Variants in LRRC7 observed in about 807,000 individuals in gnomAD.
The protein encoded by LRRC7 is leucine rich repeat containing 7.
Under a neutral mutation model 175.7 loss-of-function variants are expected in LRRC7, and 23 were observed. The ratio of observed to expected loss-of-function variants is 0.13; its 90% CI spans 0.09 to 0.19. LRRC7 has a LOEUF of 0.19. LRRC7 is among the 10% of genes least tolerant of loss of function. LRRC7 has a pLI of 1.00. For missense variants in LRRC7, 1,354 were observed against 1,904.7 expected, an observed-to-expected ratio of 0.71 and a Z score of 5.38; for synonymous variants, 685 against 680.9, an observed-to-expected ratio of 1.01 and a Z score of -0.09.
intron 2 of LRRC7, among the ~76,000 whole-genome samples, chr1:69,694,690 C>A (rs78518049): frequency 0.23 from 34,857 of 151,782 alleles, 4,561 homozygotes; most frequent in South Asian, 0.32. Context: ...TGAGTTCTTG[C>A]TCTGAGTTCA....
intron 1 of LRRC7, among the ~76,000 whole-genome samples, chr1:69,638,317 G>T (rs1653705186): frequency 6.6e-6 from 1 of 151,602 alleles, no homozygotes; most frequent in African/African-American, 2.4e-5. Context: ...TTATTGTCTG[G>T]GAATAATTAA....
At chr1:69,594,945 A>G (rs1646779798) in intron 1 of LRRC7, among the ~76,000 whole-genome samples, 1 of 152,190 alleles carries the variant, frequency 6.6e-6, no homozygotes, top group African/African-American at 2.4e-5. Context: ...GTTTTTCATC[A>G]GTCCCTTTTA....
intron 15 of LRRC7, among the ~76,000 whole-genome samples, chr1:70,019,777 T>C (rs1158845760): frequency 6.6e-6 from 1 of 151,998 alleles, no homozygotes; most frequent in Admixed American, 6.6e-5. Flanking sequence ...AAAATTAACC[T>C]TTTGAATTGA....
At chr1:70,094,388 A>C (rs994248815) in intron 25 of LRRC7, among the ~76,000 whole-genome samples, 1 of 152,166 alleles carries the variant, frequency 6.6e-6, no homozygotes, top group Admixed American at 6.5e-5. Flanking sequence ...AAACAAATTC[A>C]TGGTTTTTTT....
rs528352320 is a variant in LRRC7, at chr1:69,996,539, G to A, written c.1004+1906G>A. ...GGGTTTTTATGGTTTTAGGTCTAAC[G>A]TTTAAGTCTTTAATCCATCTTGAAT... On this transcript the variant is annotated intron_variant, in intron 11 of 26. Coordinates refer to ENST00000651989, the MANE Select transcript of LRRC7 (RefSeq NM_001370785.2). Among the ~76,000 whole-genome samples the A allele has an allele frequency of 3.1e-3, 473 of 150,928 alleles. 1 individual carries two copies. The highest frequency in any genetic ancestry group is 6.3e-3 in the South Asian group (30 of 4,756).
chr1:69,698,090 T>A, intron 2 of LRRC7, among the ~76,000 whole-genome samples: 1 of 152,328 alleles, frequency 6.6e-6, no homozygotes, highest in Admixed American at 6.5e-5. Context: ...GTGCCTCCTC[T>A]TGAAGCCTGA....
chr1:69,776,562 G>A (rs1672833095), intron 3 of LRRC7, among the ~76,000 whole-genome samples: 1 of 152,274 alleles, frequency 6.6e-6, no homozygotes, highest in South Asian at 2.1e-4. Context: ...TAACGAACCT[G>A]AAACAGCACT....
chr1:69,873,866 TTGTTA>T (rs1685795558), intron 7 of LRRC7: 4 of 154,092 alleles, frequency 2.6e-5, no homozygotes, highest in Admixed American at 2.6e-4. Flanking sequence ...ATTTCACTAT[TTGTTA>T]TGTTAAGGTG....
intron 1 of LRRC7, among the ~76,000 whole-genome samples, chr1:69,580,105 G>A (rs915544450): frequency 3.3e-5 from 5 of 152,078 alleles, no homozygotes; most frequent in African/African-American, 1.2e-4. Flanking sequence ...AGAAATAAAG[G>A]CATTGATATG....
intron 26 of LRRC7, among the ~76,000 whole-genome samples, chr1:70,113,439 T>C (rs978010742): frequency 2.0e-5 from 3 of 152,172 alleles, no homozygotes; most frequent in African/African-American, 7.2e-5. Context: ...GTCTTTTATC[T>C]AGTTGTCCAG....
intron 1 of LRRC7, among the ~76,000 whole-genome samples, chr1:69,643,485 G>A (rs1448569422): frequency 6.6e-6 from 1 of 152,116 alleles, no homozygotes; most frequent in Non-Finnish European, 1.5e-5. Flanking sequence ...AAATTCCTCT[G>A]CAGCACATTC....
intron 20 of LRRC7, 28 bp from the exon 21 acceptor site, chr1:70,038,085 C>G (rs1201817516): frequency 6.4e-7 from 1 of 1,558,294 alleles, no homozygotes; most frequent in East Asian, 2.3e-5. Flanking sequence ...TCGTCCTTTT[C>G]AATTTCTTCT....
At chr1:69,663,814 C>T (rs12749580) in intron 1 of LRRC7, among the ~76,000 whole-genome samples, 20 of 146,084 alleles carry the variant, frequency 1.4e-4, no homozygotes, top group African/African-American at 2.8e-4. Flanking sequence ...CTCCGCTTCC[C>T]GGGTTCACGC....
intron 2 of LRRC7, among the ~76,000 whole-genome samples, chr1:69,725,625 C>T (rs1351126268): frequency 3.3e-5 from 5 of 152,132 alleles, no homozygotes; most frequent in African/African-American, 4.8e-5. Context: ...GGTGCCTAAA[C>T]GTTTTTAATA....
At chr1:70,109,907 T>G (rs1571348380) in intron 26 of LRRC7, among the ~76,000 whole-genome samples, 1 of 152,350 alleles carries the variant, frequency 6.6e-6, no homozygotes, top group South Asian at 2.1e-4. Flanking sequence ...CTCAGATCTC[T>G]TACCTACTAG....
intron 7 of LRRC7, among the ~76,000 whole-genome samples, chr1:69,860,843 T>C (rs552092737): frequency 1.3e-5 from 2 of 152,198 alleles, no homozygotes; most frequent in East Asian, 3.9e-4. Flanking sequence ...AGATTTAATA[T>C]GATAAAAGTG....
At chr1:69,864,042 T>A (rs1440199871) in intron 7 of LRRC7, among the ~76,000 whole-genome samples, 1 of 152,194 alleles carries the variant, frequency 6.6e-6, no homozygotes, top group Non-Finnish European at 1.5e-5. Flanking sequence ...CTTTTTCTAC[T>A]CTTTGATTAA....
At chr1:69,749,946 A>G (rs1669660054) in intron 2 of LRRC7, among the ~76,000 whole-genome samples, 1 of 151,976 alleles carries the variant, frequency 6.6e-6, no homozygotes, top group East Asian at 1.9e-4. Context: ...CTGTAGTCCC[A>G]GCTATTCGGG....
chr1:69,998,550 G>T (rs1051482962), intron 11 of LRRC7, among the ~76,000 whole-genome samples: 4 of 152,124 alleles, frequency 2.6e-5, no homozygotes, highest in Non-Finnish European at 4.4e-5. Context: ...TCAGCCCGAT[G>T]CTTTTTAAAA....
Sources: gnomAD v4.1 joint callset for allele counts (sites outside exome capture counted in the v4.1 genomes callset) on GRCh38, gnomAD v4.1.1 for gene constraint, MANE v1.5 for transcripts, NCBI Gene and HGNC (gene_info 2026-07-23, HGNC 2026-07-21) for gene names.